WTIP: variants seen among roughly 807,000 people sequenced by gnomAD.
The protein encoded by WTIP is WT1 interacting protein.
In WTIP, 23 loss-of-function variants were observed where a neutral mutation model predicts 41.7. The observed-to-expected ratio is 0.55, with a 90% CI of 0.40 to 0.78. The LOEUF (loss-of-function observed/expected upper bound fraction) is 0.78. Ranked by LOEUF, WTIP falls within the 30% of genes least tolerant of loss-of-function variation. The pLI is 0.00. For missense variants in WTIP, 619 were observed against 610.5 expected (o/e 1.01, Z -0.15); for synonymous variants, 314 against 269.9 (o/e 1.16, Z -1.60).
intron 7 of WTIP, 100 bp from the exon 8 acceptor site, chr19:34,500,029 C>G: frequency 6.7e-7 from 1 of 1,488,698 alleles, no homozygotes; most frequent in Admixed American, 2.1e-5. Context: ...TTTGCGGCAC[C>G]CTGCAGATCT....
intron 7 of WTIP, among the ~76,000 whole-genome samples, chr19:34,497,066 T>C (rs2145607771): frequency 6.6e-6 from 1 of 152,262 alleles, no homozygotes; most frequent in Admixed American, 6.5e-5. Context: ...TTTCACCATG[T>C]TGGCTGGGCT....
chr19:34,492,107 CTT>C lies in WTIP; in HGVS notation c.770-910_770-909del, dbSNP rs71165662. Among the ~76,000 whole-genome samples the C allele has an allele frequency of 4.7e-3, 477 of 100,544 alleles. 4 individuals carry two copies. The highest frequency in any genetic ancestry group is 0.015 in the African/African-American group (391 of 26,046). 66.0% of individuals were successfully genotyped at this position (100,544 alleles called of 152,430 possible). A position where few individuals can be genotyped will look rare whatever the true frequency, so the allele number is the denominator to read the frequency against. ...TAATGGCTGATCTTGTGTTCAATGT[CTT>C]TTTTTTTTTTTTTTTTTTTAAGAAG... On this transcript the variant is annotated intron_variant, in intron 2 of 7. Transcript: ENST00000590071.
At chr19:34,489,504 GC>G (rs1359432059) in intron 1 of WTIP, among the ~76,000 whole-genome samples, 4 of 152,170 alleles carry the variant, frequency 2.6e-5, no homozygotes, top group Non-Finnish European at 4.4e-5. Context: ...GCCCCTGAGT[GC>G]CCATGTGGTC....
chr19:34,487,128 G>A (rs568199578), intron 1 of WTIP, among the ~76,000 whole-genome samples: 4 of 125,942 alleles, frequency 3.2e-5, no homozygotes, highest in Admixed American at 1.8e-4. Context: ...TTTTTGAGAC[G>A]GAGTCTTGCT....
Position 34,482,128 on chromosome 19 carries a change from A to G in WTIP, c.154A>G (p.Arg52Gly). 1 of 1,053,272 alleles carries G rather than the reference A, an allele frequency of 9.5e-7. No individual in the cohort carries two copies. The highest frequency in any genetic ancestry group is 1.7e-5 in the African/African-American group (1 of 58,284). The allele number at this position is 1,053,272 out of a possible 1,614,324, so 65.2% of individuals were successfully genotyped here. A position where few individuals can be genotyped will look rare whatever the true frequency, so the allele number is the denominator to read the frequency against. Residue 52 changes from arginine to glycine, a missense_variant, in exon 1 of 8, where the codon AGA becomes GGA. By Grantham distance (125) the Arg-to-Gly change is moderately radical. Around this residue, in one of 3 missense-constraint regions of WTIP, gnomAD observed 363 missense variants for 309.0 expected, o/e 1.17. Coordinates refer to ENST00000590071, the MANE Select transcript of WTIP (RefSeq NM_001080436.2). ...GDEAAPALGR[R>G]GKGSGGPEAG... ...CGAGGCGGCGCCCGCGCTGGGCCGC[A>G]GAGGGAAGGGCAGCGGCGGCCCCGA...
Position 34,493,687 on chromosome 19 carries a change from T to A in WTIP, c.1031+65T>A. ...GTCCTCCCTGGCTCCTCTGGAAGCA[T>A]TTTTTTCCTGCTGGACTGACTGCCC... On this transcript the variant is annotated intron_variant, in intron 5 of 7. Coordinates refer to ENST00000590071, the MANE Select transcript of WTIP (RefSeq NM_001080436.2). The surrounding 1 kb of genome is among the most constrained non-coding windows in gnomAD (Gnocchi z 4.1). The A allele has an allele frequency of 6.3e-7, 1 of 1,592,624 alleles. No individual in the cohort carries two copies. Among genetic ancestry groups the A allele is most frequent in the Middle Eastern group, 1.7e-4 (1 of 5,986 alleles).
chr19:34,482,240 C>T lies in WTIP; in HGVS notation c.266C>T (p.Pro89Leu), dbSNP rs2075771043. Reference protein sequence around the residue: ...PELSAQPAGSPRASLAGSDGG... With the variant: ...PELSAQPAGSLRASLAGSDGG... ...CTCAGCGCGCAGCCTGCGGGCAGCCCACGGGCCAGCCTGGCGGGGTCCGAC... is the reference window on the plus strand; with the variant it reads ...CTCAGCGCGCAGCCTGCGGGCAGCCTACGGGCCAGCCTGGCGGGGTCCGAC... The change falls in exon 1 of 8, where the codon CCA (proline) becomes CTA (leucine). Residue 89 changes from proline to leucine, a missense_variant. By Grantham distance (98) the Pro-to-Leu change is moderately conservative. Transcript: ENST00000590071. The T allele has an allele frequency of 8.2e-7, 1 of 1,220,568 alleles. No homozygotes were observed. Among genetic ancestry groups the T allele is most frequent in the Non-Finnish European group, 1.0e-6 (1 of 978,820 alleles). The allele number at this position is 1,220,568 out of a possible 1,614,324, so 75.6% of individuals were successfully genotyped here.
rs1316845424 is a variant in WTIP, at chr19:34,501,414, C to T, written c.*1145C>T. ...CATGAAATGCAGTGTGGAGGTCCCT[C>T]CGTGCTCCCCGGGACACACTGACGG... On this transcript the variant is annotated 3_prime_UTR_variant, in exon 8 of 8. Transcript: ENST00000590071. 2.0e-5 allele frequency: 3 copies of T among 152,272 alleles called. No homozygotes were observed. The highest frequency in any genetic ancestry group is 4.8e-5 in the African/African-American group (2 of 41,458). 9.4% of individuals were successfully genotyped at this position (152,272 alleles called of 1,614,324 possible).
chr19:34,498,823 C>G (rs2075869343), intron 7 of WTIP, among the ~76,000 whole-genome samples: 1 of 152,034 alleles, frequency 6.6e-6, no homozygotes, highest in Admixed American at 6.6e-5. Flanking sequence ...TGGCGTGAAC[C>G]CGGGAGGCGG....
In WTIP at chr19:34,490,316, C is replaced by T. The variant is rs544322176; in HGVS notation, c.668-60C>T. 8.0e-5 allele frequency: 122 copies of T among 1,527,014 alleles called. No individual in the cohort carries two copies. The Admixed American group carries it at 1.9e-3, about 24-fold the overall frequency. 94.6% of individuals were successfully genotyped at this position (1,527,014 alleles called of 1,614,324 possible). A position where few individuals can be genotyped will look rare whatever the true frequency, so the allele number is the denominator to read the frequency against. ...GTGGGCGGTGTCAAGACGGGGAGTC[C>T]GTCGGTGTGGCATAGGCTGTGGCGC... On this transcript the variant is annotated intron_variant, in intron 1 of 7. Coordinates refer to ENST00000590071, the MANE Select transcript of WTIP (RefSeq NM_001080436.2).
In WTIP at chr19:34,481,950, C is replaced by A; in HGVS notation, c.-25C>A. 1 of 995,348 alleles carries A rather than the reference C, an allele frequency of 1.0e-6. No individual in the cohort carries two copies. Among genetic ancestry groups the A allele is most frequent in the Non-Finnish European group, 1.2e-6 (1 of 837,738 alleles). 61.7% of individuals were successfully genotyped at this position (995,348 alleles called of 1,614,324 possible). ...CGGCGGGAAGCGGAGGCGGAGGTGA[C>A]GCGCCAGGGCCGGCGGGCCGGGCCA... On this transcript the variant is annotated 5_prime_UTR_variant, in exon 1 of 8. Transcript: ENST00000590071.
chr19:34,488,536 T>A (rs776633646), intron 1 of WTIP, among the ~76,000 whole-genome samples: 4 of 151,950 alleles, frequency 2.6e-5, no homozygotes, highest in Non-Finnish European at 5.9e-5. Flanking sequence ...TGGATATTTT[T>A]AAAAATTTTT....
At position 34,482,076 on chromosome 19, in the gene WTIP, G is replaced by A; in HGVS notation, c.102G>A (p.Arg34=). The A allele has an allele frequency of 9.7e-7, 1 of 1,035,890 alleles. No individual in the cohort carries two copies. Among genetic ancestry groups the A allele is most frequent in the Non-Finnish European group, 1.2e-6 (1 of 864,066 alleles). The allele number at this position is 1,035,890 out of a possible 1,614,324, so 64.2% of individuals were successfully genotyped here. ...GGTGCGGCTCTCCCGGTCGGGGGCG[G>A]CGGGGGCCGCGGCCTGGGCCTGGAG... The part of the protein sequence containing the change: ...EPGCGSPGRG[R]RGPRPGPGDE... The change falls in exon 1 of 8, where the codon CGG becomes CGA. Residue 34 remains arginine (R), a synonymous_variant. Transcript: ENST00000590071.
At chr19:34,486,680 C>T (rs934019671) in intron 1 of WTIP, among the ~76,000 whole-genome samples, 3 of 151,578 alleles carry the variant, frequency 2.0e-5, no homozygotes, top group African/African-American at 7.3e-5. Context: ...TTGTCAGTTT[C>T]CTCTCTTATT....
chr19:34,494,732 G>A, intron 6 of WTIP, 95 bp downstream of exon 6: 5 of 1,301,114 alleles, frequency 3.8e-6, no homozygotes, highest in Non-Finnish European at 5.3e-6. Flanking sequence ...GGCGACAGTG[G>A]GAGGGATGAG....
intron 7 of WTIP, among the ~76,000 whole-genome samples, chr19:34,497,928 G>A (rs1032299084): frequency 1.3e-5 from 2 of 152,208 alleles, no homozygotes; most frequent in East Asian, 1.9e-4. Flanking sequence ...AAAGGTTGAC[G>A]CTGAGAGTGA....
chr19:34,490,560 A>C, intron 2 of WTIP, 83 bp downstream of exon 2: 4 of 1,361,460 alleles, frequency 2.9e-6, no homozygotes, highest in Admixed American at 1.8e-5. Flanking sequence ...CTTGCCCCTG[A>C]GTCCAGGCAG....
intron 7 of WTIP, among the ~76,000 whole-genome samples, chr19:34,497,801 C>T (rs762240662): frequency 1.3e-5 from 2 of 152,160 alleles, no homozygotes; most frequent in African/African-American, 4.8e-5. Context: ...CAGGGATGGT[C>T]TGCAGAGGGG....
chr19:34,484,214 C>T (rs2075785708), intron 1 of WTIP, among the ~76,000 whole-genome samples: 1 of 152,102 alleles, frequency 6.6e-6, no homozygotes, highest in Non-Finnish European at 1.5e-5. Context: ...CGTGAGCCAC[C>T]GTGCCCGGCC....
Sources: allele counts gnomAD v4.1 joint callset (sites outside exome capture counted in the v4.1 genomes callset), GRCh38; gene constraint gnomAD v4.1.1; regional missense constraint gnomAD v4.1.1; non-coding constraint Gnocchi (gnomAD v3.1); transcripts MANE v1.5; gene names NCBI Gene and HGNC (gene_info 2026-07-23, HGNC 2026-07-21).